The following IFT74 variants were observed in gnomAD, a reference collection of about 807,000 sequenced individuals.
IFT74 encodes intraflagellar transport 74.
IFT74 carries 92 observed loss-of-function variants against 96.7 expected under a neutral mutation model. The observed-to-expected ratio is 0.95, with a 90% confidence interval of 0.80 to 1.13. The LOEUF (loss-of-function observed/expected upper bound fraction) is 1.13. Ranked by LOEUF, IFT74 falls within the 50% of genes most tolerant of loss-of-function variation. IFT74 has a pLI of 0.00. For missense variants in IFT74, 811 were observed against 698.2 expected, an observed-to-expected ratio of 1.16 and a Z score of -1.82; for synonymous variants, 223 against 213.2, an observed-to-expected ratio of 1.05 and a Z score of -0.40.
rs149782876 is a variant in IFT74 at position 27,038,468 on chromosome 9, C to T, written c.1055-6274C>T. Among the ~76,000 whole-genome samples, 372 of 152,196 alleles carry T rather than the reference C, an allele frequency of 2.4e-3. 2 individuals are homozygous for T. The highest frequency in any genetic ancestry group is 8.5e-3 in the African/African-American group (353 of 41,546). On this transcript the variant is annotated intron_variant, in intron 13 of 19. Coordinates refer to ENST00000380062, the MANE Select transcript of IFT74 (RefSeq NM_025103.4). Reference sequence around the variant, plus strand: ...AGTAGAGATGGGTTTCACCATATTGCCCAGGCTGCTCTCTTGGCCAGGCTG... The same window carrying T: ...AGTAGAGATGGGTTTCACCATATTGTCCAGGCTGCTCTCTTGGCCAGGCTG...
intron 1 of IFT74, among the ~76,000 whole-genome samples, chr9:26,959,057 G>A (rs1049187948): frequency 1.3e-5 from 2 of 152,138 alleles, no homozygotes; most frequent in Non-Finnish European, 2.9e-5. Flanking sequence ...GGGAAATGAA[G>A]CAGTAGAAAA....
chr9:27,015,466 A>T (rs1829293956), intron 10 of IFT74, among the ~76,000 whole-genome samples: 1 of 152,020 alleles, frequency 6.6e-6, no homozygotes, highest in Non-Finnish European at 1.5e-5. Flanking sequence ...GTGAAACCCC[A>T]TCTCTACTAA....
chr9:26,964,839 C>T (rs997419252), intron 2 of IFT74, among the ~76,000 whole-genome samples: 2 of 152,046 alleles, frequency 1.3e-5, no homozygotes, highest in Admixed American at 6.6e-5. Context: ...TGCCACGGCA[C>T]CTGGAGGTAA....
intron 1 of IFT74, among the ~76,000 whole-genome samples, chr9:26,947,847 T>C (rs1368523445): frequency 6.6e-6 from 1 of 152,158 alleles, no homozygotes; most frequent in Non-Finnish European, 1.5e-5. Context: ...CTTGTTAAAA[T>C]GTAGATTCTG....
intron 6 of IFT74, 118 bp from the exon 7 acceptor site, chr9:26,988,551 A>G (rs1827731698): frequency 1.0e-6 from 1 of 971,946 alleles, no homozygotes; most frequent in Non-Finnish European, 1.5e-6. Context: ...ATTCAAAAGT[A>G]TTAATACTTA....
intron 12 of IFT74, among the ~76,000 whole-genome samples, chr9:27,027,261 A>G (rs1031984147): frequency 2.0e-5 from 3 of 152,160 alleles, no homozygotes; most frequent in African/African-American, 7.2e-5. Flanking sequence ...AGATTAAAGT[A>G]GGAAGAAATA....
chr9:26,950,236 C>T (rs899808635), intron 1 of IFT74, among the ~76,000 whole-genome samples: 1 of 150,838 alleles, frequency 6.6e-6, no homozygotes, highest in African/African-American at 2.4e-5. Context: ...CACTTGAACC[C>T]GGGAGGGGGA....
At chr9:27,032,381 A>G (rs1462939065) in intron 13 of IFT74, among the ~76,000 whole-genome samples, 3 of 152,222 alleles carry the variant, frequency 2.0e-5, no homozygotes, top group Non-Finnish European at 2.9e-5. Context: ...CGTGCCATTC[A>G]TACCAGGAAA....
intron 2 of IFT74, among the ~76,000 whole-genome samples, chr9:26,966,680 A>G (rs777052499): frequency 2.0e-5 from 3 of 151,796 alleles, no homozygotes; most frequent in Non-Finnish European, 4.4e-5. Context: ...ACTTGATGTG[A>G]TTCTATTTGT....
intron 16 of IFT74, among the ~76,000 whole-genome samples, chr9:27,053,411 A>G (rs1431313574): frequency 6.6e-6 from 1 of 152,162 alleles, no homozygotes; most frequent in Non-Finnish European, 1.5e-5. Context: ...CAAAGAGGCA[A>G]GGGATTTATG....
chr9:27,028,811 G>T, intron 12 of IFT74: 6 of 349,668 alleles, frequency 1.7e-5, no homozygotes, highest in Non-Finnish European at 3.0e-5. Flanking sequence ...TTATAGTATT[G>T]TCCTCATAAT....
At chr9:26,955,480 C>CCAGT (rs1254263762), upstream of IFT74, among the ~76,000 whole-genome samples, 1 of 152,096 alleles carries the variant, frequency 6.6e-6, no homozygotes. Flanking sequence ...ACTAGGAAAG[C>CCAGT]CAGTATCTGT....
chr9:27,053,605 A>G (rs929253784), intron 16 of IFT74, among the ~76,000 whole-genome samples: 1 of 152,282 alleles, frequency 6.6e-6, no homozygotes, highest in Non-Finnish European at 1.5e-5. Flanking sequence ...ACTAGACTGC[A>G]TCCTCTTCCT....
At chr9:27,017,430 T>C (rs140131357) in intron 11 of IFT74, among the ~76,000 whole-genome samples, 1 of 152,190 alleles carries the variant, frequency 6.6e-6, no homozygotes, top group Non-Finnish European at 1.5e-5. Context: ...CTGTGTTGCC[T>C]GGGCTGGTCT....
intron 12 of IFT74, among the ~76,000 whole-genome samples, chr9:27,027,761 A>C (rs767438316): frequency 6.6e-6 from 1 of 152,002 alleles, no homozygotes; most frequent in Non-Finnish European, 1.5e-5. Context: ...AATTCTATGA[A>C]TTATCTTTTC....
chr9:26,978,349 G>A, intron 3 of IFT74, 86 bp downstream of exon 3: 1 of 1,405,960 alleles, frequency 7.1e-7, no homozygotes, highest in Non-Finnish European at 9.7e-7. Context: ...AGTAAAAGTT[G>A]AGTATATTTT....
At chr9:27,047,395 G>A in intron 15 of IFT74, 24 bp downstream of exon 15, 1 of 1,421,764 alleles carries the variant, frequency 7.0e-7, no homozygotes. Flanking sequence ...GCCTGTCTTG[G>A]TGTCCTCTTT....
chr9:26,973,044 G>A (rs1207308885), intron 2 of IFT74, among the ~76,000 whole-genome samples: 1 of 152,180 alleles, frequency 6.6e-6, no homozygotes, highest in East Asian at 1.9e-4. Flanking sequence ...CTTGGGGTAA[G>A]ACTGTCCATC....
intron 4 of IFT74, among the ~76,000 whole-genome samples, chr9:26,981,526 TG>T (rs1827372960): frequency 6.6e-6 from 1 of 152,050 alleles, no homozygotes; most frequent in Non-Finnish European, 1.5e-5. Context: ...GCAATTCTCC[TG>T]CATCAGCTTC....
Sources: gnomAD v4.1 joint callset for allele counts (sites outside exome capture counted in the v4.1 genomes callset) on GRCh38, gnomAD v4.1.1 for gene constraint, MANE v1.5 for transcripts, NCBI Gene and HGNC (gene_info 2026-07-23, HGNC 2026-07-21) for gene names.